The following ATG10 variants were observed in gnomAD, a reference collection of about 807,000 sequenced individuals.
ATG10 encodes the protein autophagy related 10.
In ATG10, 30 loss-of-function variants were observed where a neutral mutation model predicts 32.1. The observed-to-expected ratio is 0.94, with a 90% CI of 0.70 to 1.27. The LOEUF (loss-of-function observed/expected upper bound fraction) is 1.27. Ranked by LOEUF, ATG10 falls within the 50% of genes most tolerant of loss-of-function variation. The pLI is 0.00. For synonymous variants in ATG10, 87 were observed against 91.5 expected (o/e 0.95, Z 0.28); for missense variants, 233 against 262.3 (o/e 0.89, Z 0.77).
intron 4 of ATG10, among the ~76,000 whole-genome samples, chr5:82,176,657 G>T (rs1036703558): frequency 6.6e-6 from 1 of 152,116 alleles, no homozygotes; most frequent in Non-Finnish European, 1.5e-5. Flanking sequence ...TAGTGCTTAA[G>T]AGCAGAGTTT....
intron 3 of ATG10, among the ~76,000 whole-genome samples, chr5:82,079,844 A>C (rs1160387044): frequency 3.9e-5 from 6 of 152,134 alleles, no homozygotes; most frequent in Non-Finnish European, 5.9e-5. Flanking sequence ...ATGTGTCTTT[A>C]TAGCAGCATG....
intron 3 of ATG10, among the ~76,000 whole-genome samples, chr5:82,121,337 T>A (rs1766031903): frequency 6.6e-6 from 1 of 152,206 alleles, no homozygotes; most frequent in Non-Finnish European, 1.5e-5. Context: ...CTGAAGTTGT[T>A]TGTCAGCTGA....
chr5:82,075,628 T>G (rs191647867), intron 3 of ATG10, among the ~76,000 whole-genome samples: 451 of 152,276 alleles, frequency 3.0e-3, no homozygotes, highest in African/African-American at 0.01. Context: ...ATTGAAATAT[T>G]TTTTCAAAGC....
rs568085908 is a variant in ATG10, at chr5:82,156,877, G to A, written c.217-7522G>A. On this transcript the variant is annotated intron_variant, in intron 3 of 7. Coordinates refer to ENST00000282185, the MANE Select transcript of ATG10 (RefSeq NM_031482.5). ...CCTCCTGCCAAAGAACCTGTGTTTT[G>A]TAGCATGGACTCTAAGAGATAGCCT... Among the ~76,000 whole-genome samples, 13 of 152,310 alleles carry A rather than the reference G, an allele frequency of 8.5e-5. No individual in the cohort carries two copies. In the South Asian group the frequency reaches 1.4e-3, roughly 17 times the overall value.
intron 3 of ATG10, among the ~76,000 whole-genome samples, chr5:82,151,632 A>C (rs1447722453): frequency 1.3e-5 from 2 of 152,118 alleles, no homozygotes; most frequent in East Asian, 1.9e-4. Flanking sequence ...GGAACAAAAA[A>C]AAAAAAAAAA....
In ATG10 at chr5:82,014,543, A is replaced by T. The variant is rs925779694; in HGVS notation, c.108+26865A>T. Among the ~76,000 whole-genome samples the T allele has an allele frequency of 8.9e-4, 135 of 152,190 alleles. 1 individual carries two copies. The highest frequency in any genetic ancestry group is 3.0e-3 in the African/African-American group (124 of 41,532). On this transcript the variant is annotated intron_variant, in intron 2 of 7. Coordinates refer to ENST00000282185, the MANE Select transcript of ATG10 (RefSeq NM_031482.5). ...TTGGGTGCCTATATATTTAGGATAG[A>T]TAGCTCTTCTTGTTGAATTGATCCC...
At chr5:82,123,880 T>G (rs1766144994) in intron 3 of ATG10, among the ~76,000 whole-genome samples, 1 of 151,812 alleles carries the variant, frequency 6.6e-6, no homozygotes, top group African/African-American at 2.4e-5. Flanking sequence ...AGGCTGTGAT[T>G]AGCTGTGATT....
intron 5 of ATG10, among the ~76,000 whole-genome samples, chr5:82,218,681 G>A (rs766431023): frequency 2.6e-5 from 4 of 152,020 alleles, no homozygotes; most frequent in Non-Finnish European, 4.4e-5. Context: ...CTTAATTTAT[G>A]GGAGTGCTAA....
intron 2 of ATG10, among the ~76,000 whole-genome samples, chr5:82,016,528 G>A (rs1762291036): frequency 6.6e-6 from 1 of 151,990 alleles, no homozygotes; most frequent in Non-Finnish European, 1.5e-5. Context: ...CTCCAGATTT[G>A]TTCTTTCTGT....
intron 2 of ATG10, among the ~76,000 whole-genome samples, chr5:82,003,062 T>G (rs2149685559): frequency 6.6e-6 from 1 of 152,350 alleles, no homozygotes; most frequent in Admixed American, 6.5e-5. Context: ...CTTTAAAAAA[T>G]AACCTGGTTG....
intron 3 of ATG10, among the ~76,000 whole-genome samples, chr5:82,076,045 G>T (rs1210882644): frequency 6.6e-6 from 1 of 152,182 alleles, no homozygotes; most frequent in East Asian, 1.9e-4. Context: ...AGTTTGTAAA[G>T]TTAGTATTTC....
intron 1 of ATG10, among the ~76,000 whole-genome samples, chr5:81,974,931 C>T (rs992720505): frequency 1.3e-5 from 2 of 152,320 alleles, no homozygotes; most frequent in East Asian, 1.9e-4. Context: ...CCTTCTATTT[C>T]TTTCTTTCTA....
chr5:82,189,294 A>G (rs1744569302), intron 5 of ATG10, among the ~76,000 whole-genome samples: 1 of 152,250 alleles, frequency 6.6e-6, no homozygotes. Flanking sequence ...ATAACAAATA[A>G]CAAGGGAGAG....
At chr5:82,067,050 A>G (rs1763963347) in intron 3 of ATG10, among the ~76,000 whole-genome samples, 1 of 152,194 alleles carries the variant, frequency 6.6e-6, no homozygotes, top group East Asian at 1.9e-4. Flanking sequence ...GTCAGTATTT[A>G]TTTATTGAAT....
chr5:82,138,874 TCC>T (rs1766897903), intron 3 of ATG10, among the ~76,000 whole-genome samples: 4 of 23,918 alleles, frequency 1.7e-4, no homozygotes, highest in Admixed American at 4.6e-4. Context: ...CCCCTCCCCC[TCC>T]CCCTCTCCCT....
At chr5:82,180,946 A>G (rs1744206178) in intron 5 of ATG10, among the ~76,000 whole-genome samples, 1 of 152,112 alleles carries the variant, frequency 6.6e-6, no homozygotes, top group South Asian at 2.1e-4. Context: ...ATTTCTTTTT[A>G]TTGATAGAAC....
intron 3 of ATG10, among the ~76,000 whole-genome samples, chr5:82,103,538 G>A (rs974823316): frequency 1.3e-5 from 2 of 152,058 alleles, no homozygotes; most frequent in African/African-American, 4.8e-5. Context: ...CTTACCTCCT[G>A]CCTGCTGCTT....
intron 5 of ATG10, among the ~76,000 whole-genome samples, chr5:82,240,966 T>C (rs928007119): frequency 1.3e-5 from 2 of 152,204 alleles, no homozygotes; most frequent in African/African-American, 4.8e-5. Flanking sequence ...CAGCAGAGGT[T>C]ATCTGTTTAT....
intron 5 of ATG10, among the ~76,000 whole-genome samples, chr5:82,248,414 G>A (rs1581848066): frequency 6.6e-6 from 1 of 152,210 alleles, no homozygotes; most frequent in Non-Finnish European, 1.5e-5. Context: ...TGGCCAGATT[G>A]CTCTGGTAAA....
Sources: allele counts gnomAD v4.1 joint callset (sites outside exome capture counted in the v4.1 genomes callset), GRCh38; gene constraint gnomAD v4.1.1; transcripts MANE v1.5; gene names NCBI Gene and HGNC (gene_info 2026-07-23, HGNC 2026-07-21).